The following ERCC3 variants were observed in gnomAD, a reference collection of about 807,000 sequenced individuals.
ERCC3 encodes the protein general transcription and DNA repair factor IIH helicase/translocase subunit XPB.
ERCC3 carries 66 observed loss-of-function variants against 94.2 expected under a neutral mutation model. The ratio of observed to expected loss-of-function variants is 0.70; its 90% CI spans 0.57 to 0.86. The LOEUF (loss-of-function observed/expected upper bound fraction) is 0.86. ERCC3 is among the 40% of genes least tolerant of loss of function. The pLI is 0.00. For missense variants in ERCC3, 829 were observed against 987.1 expected (o/e 0.84, Z 2.15); for synonymous variants, 349 against 369.1 (o/e 0.95, Z 0.63).
At position 127,271,927 on chromosome 2, in the gene ERCC3, C is replaced by T. The variant is rs4150496; in HGVS notation, c.1828-474G>A. Among the ~76,000 whole-genome samples, 53,295 of 151,130 alleles carry T rather than the reference C, an allele frequency of 0.35. 10,142 individuals are homozygous for T. Among genetic ancestry groups the T allele is most frequent in the East Asian group, 0.61 (3,144 of 5,122 alleles). On this transcript the variant is annotated intron_variant, in intron 11 of 14. Coordinates refer to ENST00000285398, the MANE Select transcript of ERCC3 (RefSeq NM_000122.2). This position sits in a 1 kb window ranked among gnomAD's most constrained non-coding sequence, Gnocchi z 5.0. ...GGTGGATTCCTCAGCTCTGGGGCTCCAAACATCGAGGTTCCCAGCCACAGA... is the reference window on the plus strand; with the variant it reads ...GGTGGATTCCTCAGCTCTGGGGCTCTAAACATCGAGGTTCCCAGCCACAGA...
At chr2:127,273,977 G>A (rs917781937) in intron 10 of ERCC3, among the ~76,000 whole-genome samples, 2 of 150,864 alleles carry the variant, frequency 1.3e-5, no homozygotes, top group African/African-American at 4.9e-5. Flanking sequence ...CAGGTACGCA[G>A]GACCTACCAA....
At chr2:127,285,180 T>A (rs1685026278) in intron 8 of ERCC3, among the ~76,000 whole-genome samples, 1 of 152,054 alleles carries the variant, frequency 6.6e-6, no homozygotes, top group Non-Finnish European at 1.5e-5. Flanking sequence ...AAAAAGCAAA[T>A]CTATAGTGAC....
intron 10 of ERCC3, among the ~76,000 whole-genome samples, chr2:127,276,055 G>A (rs1456828098): frequency 6.6e-6 from 1 of 152,172 alleles, no homozygotes; most frequent in Non-Finnish European, 1.5e-5. Context: ...CTCCACTGGT[G>A]GGGCACTGGA....
At chr2:127,268,926 A>G (rs1684463903) in intron 12 of ERCC3, among the ~76,000 whole-genome samples, 1 of 152,230 alleles carries the variant, frequency 6.6e-6, no homozygotes, top group African/African-American at 2.4e-5. Context: ...TGGGGCCATT[A>G]GTAAGATAAA....
rs1258698377 is a variant in ERCC3, at chr2:127,291,983, C to T, written c.471+627G>A. 4 of 167,308 alleles carry T rather than the reference C, an allele frequency of 2.4e-5. No individual in the cohort carries two copies. The highest frequency in any genetic ancestry group is 5.3e-5 in the Non-Finnish European group (4 of 75,682). The allele number at this position is 167,308 out of a possible 1,614,324, so 10.4% of individuals were successfully genotyped here. A position where few individuals can be genotyped will look rare whatever the true frequency, so the allele number is the denominator to read the frequency against. On this transcript the variant is annotated intron_variant, in intron 3 of 14. Coordinates refer to ENST00000285398, the MANE Select transcript of ERCC3 (RefSeq NM_000122.2). This position sits in a 1 kb window ranked among gnomAD's most constrained non-coding sequence, Gnocchi z 4.9. ...GGCTTCAACATTAGAACTGTATTTT[C>T]TCAGAGCTGTGGAGGCTGAAAGTCT...
Position 127,274,203 on chromosome 2 carries a change from T to A in ERCC3, c.1731-1242A>T, listed in dbSNP as rs1454386692. ...GGTGGTGGGCACCTATAATCCCAGC[T>A]ACTCAGGAGGCTGAAGCAGGAGAAT... is the stretch of plus-strand genomic sequence containing the variant. On this transcript the variant is annotated intron_variant, in intron 10 of 14. Coordinates refer to ENST00000285398, the MANE Select transcript of ERCC3 (RefSeq NM_000122.2). This position sits in a 1 kb window ranked among gnomAD's most constrained non-coding sequence, Gnocchi z 4.0. Among the ~76,000 whole-genome samples the A allele has an allele frequency of 6.6e-6, 1 of 150,692 alleles. No homozygotes were observed. The highest frequency in any genetic ancestry group is 6.6e-5 in the Admixed American group (1 of 15,118).
chr2:127,291,714 G>A lies in ERCC3; in HGVS notation c.471+896C>T, dbSNP rs917395997. On this transcript the variant is annotated intron_variant, in intron 3 of 14. Coordinates refer to ENST00000285398, the MANE Select transcript of ERCC3 (RefSeq NM_000122.2). This position sits in a 1 kb window ranked among gnomAD's most constrained non-coding sequence, Gnocchi z 4.9. The stretch of plus-strand genomic sequence containing the variant: ...TCTGACTCCTTTTGGATCAGCCAAA[G>A]GCAATGAAAGCCACTGTCCATCTCT... Among the ~76,000 whole-genome samples, 6 of 152,204 alleles carry A rather than the reference G, an allele frequency of 3.9e-5. No homozygotes were observed. The highest frequency in any genetic ancestry group is 3.9e-4 in the Admixed American group (6 of 15,290).
chr2:127,263,910 T>C (rs530572206), intron 12 of ERCC3, among the ~76,000 whole-genome samples: 1 of 152,158 alleles, frequency 6.6e-6, no homozygotes, highest in South Asian at 2.1e-4. Context: ...GGTTTCACCA[T>C]GTTAGCCAGA....
intron 12 of ERCC3, chr2:127,261,652 A>C: frequency 2.6e-6 from 1 of 386,248 alleles, no homozygotes; most frequent in South Asian, 2.2e-5. Flanking sequence ...TTAATTATAA[A>C]TGAGAGAAGA....
chr2:127,287,077 G>T, intron 7 of ERCC3, 60 bp from the exon 8 acceptor site: 2 of 1,358,820 alleles, frequency 1.5e-6, no homozygotes, highest in Non-Finnish European at 2.1e-6. Flanking sequence ...GACAGGGACA[G>T]GCAGAATGAC....
At chr2:127,260,964 T>G in intron 13 of ERCC3, 1 of 481,666 alleles carries the variant, frequency 2.1e-6, no homozygotes, top group East Asian at 3.8e-5. Flanking sequence ...TAGAGAGGCA[T>G]CCCTGAGAAA....
chr2:127,294,027 G>A (rs1369912847), intron 1 of ERCC3, 27 bp downstream of exon 1: 1 of 1,602,750 alleles, frequency 6.2e-7, no homozygotes, highest in East Asian at 2.2e-5. Context: ...GGCAGTCGTG[G>A]CTGAGCGTGC....
Position 127,289,441 on chromosome 2 carries a change from C to G in ERCC3, c.718G>C (p.Gly240Arg). 1.2e-6 allele frequency: 2 copies of G among 1,613,048 alleles called. No individual in the cohort carries two copies. The highest frequency in any genetic ancestry group is 4.5e-5 in the East Asian group (2 of 44,868). The change falls in exon 6 of 15, where the codon GGT becomes CGT. Residue 240 changes from glycine (G) to arginine (R), a missense_variant. Coordinates refer to ENST00000285398, the MANE Select transcript of ERCC3 (RefSeq NM_000122.2). ...PSTSRVTDPQ[G>R]KSDIPMDLFD... ...AGGTCCATGGGGATGTCAGATTTAC[C>G]CTGTGGATCTGTCACTCGGGAAGTG...
chr2:127,280,589 C>T lies in ERCC3; in HGVS notation c.1385G>A (p.Cys462Tyr). The change falls in exon 9 of 15, where the codon TGT becomes TAT. Residue 462 changes from cysteine to tyrosine, a missense_variant. Transcript: ENST00000285398. This position sits in a 1 kb window ranked among gnomAD's most constrained non-coding sequence, Gnocchi z 6.3. ...GAGGGTCGCAGTCAAACCCAGCTTA[C>T]AGTGGGCCTGCACGATGGTGAGCAC... The part of the protein sequence containing the change: ...RRVLTIVQAH[C>Y]KLGLTATLVR... The T allele has an allele frequency of 1.2e-6, 2 of 1,614,210 alleles. No individual in the cohort carries two copies. The highest frequency in any genetic ancestry group is 2.2e-5 in the East Asian group (1 of 44,892).
intron 3 of ERCC3, 92 bp from the exon 4 acceptor site, chr2:127,290,365 A>G: frequency 1.8e-6 from 2 of 1,102,570 alleles, no homozygotes; most frequent in Admixed American, 3.4e-5. Flanking sequence ...CAACCAAGTG[A>G]AAAGTTCATT....
intron 12 of ERCC3, among the ~76,000 whole-genome samples, chr2:127,270,014 C>A: frequency 7.1e-6 from 1 of 140,802 alleles, no homozygotes; most frequent in East Asian, 2.3e-4. Flanking sequence ...GAATAAGACT[C>A]TATCTCAATC....
chr2:127,277,301 A>C lies in ERCC3; in HGVS notation c.1730+1872T>G, dbSNP rs553494399. Among the ~76,000 whole-genome samples the C allele has an allele frequency of 4.6e-5, 7 of 152,228 alleles. No individual in the cohort carries two copies. Among genetic ancestry groups the C allele is most frequent in the Non-Finnish European group, 1.0e-4 (7 of 68,038 alleles). On this transcript the variant is annotated intron_variant, in intron 10 of 14. Coordinates refer to ENST00000285398, the MANE Select transcript of ERCC3 (RefSeq NM_000122.2). The surrounding 1 kb of genome is among the most constrained non-coding windows in gnomAD (Gnocchi z 5.1). ...CCCTACTGAGTTTATGGTTATGTGAAGACTTTGGAGGGGAATAATTATTCA... is the reference window on the plus strand; with the variant it reads ...CCCTACTGAGTTTATGGTTATGTGACGACTTTGGAGGGGAATAATTATTCA...
chr2:127,263,380 C>T (rs1684252877), intron 12 of ERCC3, among the ~76,000 whole-genome samples: 1 of 152,080 alleles, frequency 6.6e-6, no homozygotes, highest in African/African-American at 2.4e-5. Context: ...TTTGTTTTTA[C>T]AGCTATTATA....
intron 8 of ERCC3, among the ~76,000 whole-genome samples, chr2:127,283,115 C>T (rs1684966376): frequency 7.7e-6 from 1 of 130,322 alleles, no homozygotes; most frequent in African/African-American, 3.0e-5. Flanking sequence ...TTTAAATTCT[C>T]ACAGTAAAAC....
Sources: allele counts gnomAD v4.1 joint callset (sites outside exome capture counted in the v4.1 genomes callset), GRCh38; gene constraint gnomAD v4.1.1; non-coding constraint Gnocchi (gnomAD v3.1); transcripts MANE v1.5; gene names NCBI Gene and HGNC (gene_info 2026-07-23, HGNC 2026-07-21).